The following BASP1 variants were observed in gnomAD, a reference collection of about 807,000 sequenced individuals.
The protein encoded by BASP1 is brain abundant membrane attached signal protein 1, also known as brain acid soluble protein 1.
In BASP1, 1 loss-of-function variant was observed where a neutral mutation model predicts 2.2. The ratio of observed to expected loss-of-function variants is 0.46; its 90% confidence interval spans 0.16 to 2.17. BASP1 has a LOEUF of 2.17. Ranked by LOEUF, BASP1 falls within the 30% of genes most tolerant of loss-of-function variation. BASP1 has a pLI of 0.27. For missense variants in BASP1, 352 were observed against 327.2 expected, an observed-to-expected ratio of 1.08 and a Z score of -0.58; for synonymous variants, 187 against 154.2, an observed-to-expected ratio of 1.21 and a Z score of -1.58.
chr5:17,268,713 G>A (rs929863870), intron 1 of BASP1, among the ~76,000 whole-genome samples: 12 of 152,132 alleles, frequency 7.9e-5, no homozygotes, highest in Non-Finnish European at 1.2e-4. Flanking sequence ...TGGAAAACTC[G>A]GTAGAGGAGA....
At chr5:17,231,911 A>G (rs1000273751) in intron 1 of BASP1, among the ~76,000 whole-genome samples, 2 of 152,178 alleles carry the variant, frequency 1.3e-5, no homozygotes, top group Non-Finnish European at 2.9e-5. Context: ...GTTCATGGAG[A>G]GCACGTGTCT....
In BASP1 at chr5:17,275,083, T is replaced by C; in HGVS notation, c.-9-125T>C. On this transcript the variant is annotated intron_variant, in intron 1 of 1. Transcript: ENST00000322611. This position sits in a 1 kb window ranked among gnomAD's most constrained non-coding sequence, Gnocchi z 5.3. ...AACTGTGCCTAACTATAGTTTACCA[T>C]GCCACCCCTTTGGGGTGTGCAGTGC... The C allele has an allele frequency of 2.6e-6, 2 of 770,492 alleles. No homozygotes were observed. The highest frequency in any genetic ancestry group is 4.2e-6 in the Non-Finnish European group (2 of 472,586). 47.7% of individuals were successfully genotyped at this position (770,492 alleles called of 1,614,324 possible).
At chr5:17,231,300 C>T (rs954950102) in intron 1 of BASP1, among the ~76,000 whole-genome samples, 1 of 152,150 alleles carries the variant, frequency 6.6e-6, no homozygotes, top group African/African-American at 2.4e-5. Flanking sequence ...CCCATATGGC[C>T]TCCTTCCTGG....
intron 1 of BASP1, among the ~76,000 whole-genome samples, chr5:17,233,740 C>A (rs908671914): frequency 6.6e-6 from 1 of 151,388 alleles, no homozygotes; most frequent in African/African-American, 2.4e-5. Context: ...ATGTGTGTTT[C>A]CAAGTAGATG....
chr5:17,246,323 T>TAA (rs772842709), intron 1 of BASP1, among the ~76,000 whole-genome samples: 2 of 134,916 alleles, frequency 1.5e-5, no homozygotes, highest in Non-Finnish European at 1.6e-5. Context: ...CTACTAAAGA[T>TAA]AAAAAAAAAA....
intron 1 of BASP1, among the ~76,000 whole-genome samples, chr5:17,270,843 ATT>A (rs1204246643): frequency 6.6e-6 from 1 of 152,140 alleles, no homozygotes; most frequent in Non-Finnish European, 1.5e-5. Flanking sequence ...ATTTAAAAAA[ATT>A]TTTTTATTTT....
At chr5:17,255,207 C>T (rs952451380) in intron 1 of BASP1, among the ~76,000 whole-genome samples, 9 of 152,136 alleles carry the variant, frequency 5.9e-5, no homozygotes, top group African/African-American at 1.9e-4. Flanking sequence ...TGAAGTGACT[C>T]AATCCATTTA....
At chr5:17,218,273 G>A (rs1418224827) in intron 1 of BASP1, among the ~76,000 whole-genome samples, 2 of 150,550 alleles carry the variant, frequency 1.3e-5, no homozygotes, top group East Asian at 4.0e-4. Context: ...CAAAGATGGA[G>A]GGTGGGGGTG....
chr5:17,252,221 C>T (rs908670459), intron 1 of BASP1, among the ~76,000 whole-genome samples: 17 of 152,026 alleles, frequency 1.1e-4, no homozygotes, highest in Non-Finnish European at 1.9e-4. Context: ...TTTTGCCATT[C>T]GGCTATTATT....
At chr5:17,218,446 C>T (rs1397068079) in intron 1 of BASP1, among the ~76,000 whole-genome samples, 2 of 152,202 alleles carry the variant, frequency 1.3e-5, no homozygotes, top group Non-Finnish European at 2.9e-5. Context: ...GACGTGCACT[C>T]AGAAGCACCT....
intron 1 of BASP1, among the ~76,000 whole-genome samples, chr5:17,232,119 A>T (rs1164427948): frequency 1.3e-5 from 2 of 152,234 alleles, no homozygotes; most frequent in African/African-American, 4.8e-5. Flanking sequence ...TGGCTCATGC[A>T]TCTGAGTGTC....
intron 1 of BASP1, among the ~76,000 whole-genome samples, chr5:17,270,678 C>T (rs532518824): frequency 2.0e-5 from 3 of 152,246 alleles, no homozygotes; most frequent in Admixed American, 1.3e-4. Flanking sequence ...TGTGTGGAAC[C>T]TGTGTGCTAA....
At position 17,274,903 on chromosome 5, in the gene BASP1, C is replaced by G. The variant is rs913164220; in HGVS notation, c.-9-305C>G. Among the ~76,000 whole-genome samples, 38 of 152,238 alleles carry G rather than the reference C, an allele frequency of 2.5e-4. 1 individual carries two copies. In the East Asian group the frequency reaches 6.8e-3, roughly 27 times the overall value. ...TGATTACTTGGGCGTGGTGGGTACA[C>G]CTGTGGGCCCAGCTGTGTGGGAGGC... On this transcript the variant is annotated intron_variant, in intron 1 of 1. Transcript: ENST00000322611.
At chr5:17,267,707 C>T (rs891646440) in intron 1 of BASP1, among the ~76,000 whole-genome samples, 9 of 150,322 alleles carry the variant, frequency 6.0e-5, no homozygotes, top group Non-Finnish European at 1.2e-4. Flanking sequence ...TTAGTAGAGA[C>T]GAGGTTTCAC....
chr5:17,238,800 C>A (rs1381136852), intron 1 of BASP1, among the ~76,000 whole-genome samples: 1 of 152,148 alleles, frequency 6.6e-6, no homozygotes, highest in African/African-American at 2.4e-5. Flanking sequence ...TGACTCCATG[C>A]GTTTTCAAAG....
At chr5:17,272,864 G>A (rs1290051593) in intron 1 of BASP1, among the ~76,000 whole-genome samples, 1 of 152,196 alleles carries the variant, frequency 6.6e-6, no homozygotes, top group East Asian at 1.9e-4. Flanking sequence ...TAGTAACTCA[G>A]ATTTTAGGTT....
At chr5:17,237,298 C>T (rs1201198584) in intron 1 of BASP1, among the ~76,000 whole-genome samples, 1 of 151,958 alleles carries the variant, frequency 6.6e-6, no homozygotes, top group African/African-American at 2.4e-5. Context: ...GAGCCGAGAT[C>T]GCACCACTGC....
chr5:17,275,867 T>A lies in BASP1; in HGVS notation c.651T>A (p.Ala217=). 4 of 1,601,066 alleles carry A rather than the reference T, an allele frequency of 2.5e-6. No homozygotes were observed. Among genetic ancestry groups the A allele is most frequent in the Non-Finnish European group, 3.4e-6 (4 of 1,174,730 alleles). Residue 217 remains alanine (A), a synonymous_variant, in exon 2 of 2, where the codon GCT becomes GCA. Transcript: ENST00000322611. This position sits in a 1 kb window ranked among gnomAD's most constrained non-coding sequence, Gnocchi z 5.3. ...EEPKPVEAPA[A]NSDQTVTVKE ...CCAAGCCGGTGGAGGCCCCGGCAGC[T>A]AATTCCGACCAAACCGTAACCGTGA...
rs141715048 is a variant in BASP1, at chr5:17,240,166, A to T, written c.-10+22356A>T. ...AATAAATAAATAAATAAATAAATAA[A>T]TAACAGGTTGGAGCCCAGGAGTTTG... On this transcript the variant is annotated intron_variant, in intron 1 of 1. Transcript: ENST00000322611. Among the ~76,000 whole-genome samples, 473 of 147,282 alleles carry T rather than the reference A, an allele frequency of 3.2e-3. 4 individuals are homozygous for T. Among genetic ancestry groups the T allele is most frequent in the African/African-American group, 0.011 (452 of 40,724 alleles).
Sources: gnomAD v4.1 joint callset for allele counts (sites outside exome capture counted in the v4.1 genomes callset) on GRCh38, gnomAD v4.1.1 for gene constraint, Gnocchi (gnomAD v3.1) non-coding constraint, MANE v1.5 for transcripts, NCBI Gene and HGNC (gene_info 2026-07-23, HGNC 2026-07-21) for gene names.